Variants in PCDHGA4 observed in about 807,000 individuals in gnomAD.
The protein encoded by PCDHGA4 is protocadherin gamma-A4.
Under a neutral mutation model 54.6 loss-of-function variants are expected in PCDHGA4, and 38 were observed. That is an observed-to-expected ratio of 0.70 (90% CI 0.54 to 0.91). The LOEUF is 0.91. PCDHGA4 is among the 40% of genes least tolerant of loss of function. PCDHGA4 has a pLI of 0.00. For missense variants in PCDHGA4, 1,298 were observed against 1,220.9 expected (o/e 1.06, Z -0.94); for synonymous variants, 511 against 512.9 (o/e 1.00, Z 0.05).
rs1399367534 is a variant in PCDHGA4 at position 141,487,098 on chromosome 5, A to G, written c.2515-7709A>G. 6.2e-7 allele frequency: 1 copy of G among 1,613,778 alleles called. No homozygotes were observed. The highest frequency in any genetic ancestry group is 8.5e-7 in the Non-Finnish European group (1 of 1,179,788). On this transcript the variant is annotated intron_variant, in intron 1 of 3. Transcript: ENST00000571252. The surrounding 1 kb of genome is among the most constrained non-coding windows in gnomAD (Gnocchi z 5.0). ...ATCCCAGCTGACCTCCCACCACAGA[A>G]GCTGGTCATTGTGGTAAAGGATAGT...
intron 1 of PCDHGA4, chr5:141,374,228 G>T (rs776875063): frequency 6.2e-7 from 1 of 1,613,990 alleles, no homozygotes; most frequent in Non-Finnish European, 8.5e-7. Flanking sequence ...AGGCAACATC[G>T]TCAAGGATCT....
chr5:141,460,981 GTGTATATATA>G (rs1332002052), intron 1 of PCDHGA4, among the ~76,000 whole-genome samples: 6 of 121,884 alleles, frequency 4.9e-5, no homozygotes, highest in Non-Finnish European at 1.0e-4. Flanking sequence ...GTGTGTGTGT[GTGTATATATA>G]TATATGTGTA....
chr5:141,451,233 T>A (rs1431967203), intron 1 of PCDHGA4, among the ~76,000 whole-genome samples: 1 of 152,216 alleles, frequency 6.6e-6, no homozygotes, highest in African/African-American at 2.4e-5. Flanking sequence ...GCATTTATTA[T>A]CTCATAAATT....
chr5:141,375,570 T>C, intron 1 of PCDHGA4: 2 of 1,614,014 alleles, frequency 1.2e-6, no homozygotes, highest in Non-Finnish European at 1.7e-6. Context: ...GAAGACACCC[T>C]CCAGGGGGCG....
chr5:141,357,606 A>C lies in PCDHGA4; in HGVS notation c.2499A>C (p.Gly833=). Residue 833 remains glycine (G), a synonymous_variant, in exon 1 of 4, where the codon GGA becomes GGC. Coordinates refer to ENST00000571252, the MANE Select transcript of PCDHGA4 (RefSeq NM_018917.4). ...LITQDLLETK[G]DPNLQQAPPN... is the part of the protein sequence containing the mutation. ...CTCAGGATTTACTTGAAACAAAAGG[A>C]GACCCTAATCTTCAGGTGAGTCAAT... 1.2e-6 allele frequency: 2 copies of C among 1,614,052 alleles called. No individual in the cohort carries two copies. The highest frequency in any genetic ancestry group is 1.7e-6 in the Non-Finnish European group (2 of 1,179,944).
At chr5:141,398,249 T>C (rs1462140853) in intron 1 of PCDHGA4, 2 of 1,470,902 alleles carry the variant, frequency 1.4e-6, no homozygotes, top group Non-Finnish European at 1.8e-6. Context: ...CCCGAGGAAA[T>C]GCCCAAGGGC....
At chr5:141,454,685 C>A (rs1305853379) in intron 1 of PCDHGA4, among the ~76,000 whole-genome samples, 1 of 151,844 alleles carries the variant, frequency 6.6e-6, no homozygotes, top group Non-Finnish European at 1.5e-5. Context: ...GGATTACAGG[C>A]ATGAGCCACC....
At chr5:141,479,866 A>G (rs1020197891) in intron 1 of PCDHGA4, among the ~76,000 whole-genome samples, 2 of 152,204 alleles carry the variant, frequency 1.3e-5, no homozygotes, top group African/African-American at 2.4e-5. Context: ...TTTGCCCTGG[A>G]GAGAACCCTA....
chr5:141,457,498 G>A (rs193168963), intron 1 of PCDHGA4, among the ~76,000 whole-genome samples: 23 of 152,246 alleles, frequency 1.5e-4, no homozygotes, highest in African/African-American at 4.3e-4. Flanking sequence ...TAAAATGTAG[G>A]CAAAAAGCTT....
chr5:141,385,560 T>C (rs920911668), intron 1 of PCDHGA4: 33 of 1,307,128 alleles, frequency 2.5e-5, no homozygotes, highest in Non-Finnish European at 3.0e-5. Context: ...ATTTTATAAT[T>C]TCCACCTACT....
In PCDHGA4 at chr5:141,453,631, T is replaced by C. The variant is rs114710858; in HGVS notation, c.2515-41176T>C. On this transcript the variant is annotated intron_variant, in intron 1 of 3. Transcript: ENST00000571252. ...AACGCAAAAACAAAACCTATACATATTTATATTTTCTTATGTCCTCTTCTT... is the reference window on the plus strand; with the variant it reads ...AACGCAAAAACAAAACCTATACATACTTATATTTTCTTATGTCCTCTTCTT... Among the ~76,000 whole-genome samples the C allele has an allele frequency of 8.2e-3, 1,249 of 152,332 alleles. 7 individuals are homozygous for C. Among genetic ancestry groups the C allele is most frequent in the Non-Finnish European group, 0.013 (893 of 68,030 alleles).
At chr5:141,366,586 C>T in intron 1 of PCDHGA4, 1 of 1,614,262 alleles carries the variant, frequency 6.2e-7, no homozygotes, top group Non-Finnish European at 8.5e-7. Flanking sequence ...TCCTGCAGAC[C>T]TATTCCCACG....
At chr5:141,470,242 T>C (rs1301513342) in intron 1 of PCDHGA4, among the ~76,000 whole-genome samples, 1 of 152,344 alleles carries the variant, frequency 6.6e-6, no homozygotes, top group South Asian at 2.1e-4. Flanking sequence ...CCCTTGAATG[T>C]CCCACCTGTC....
Position 141,487,687 on chromosome 5 carries a change from A to G in PCDHGA4, c.2515-7120A>G, listed in dbSNP as rs750431854. ...CAGGCATATGGCTAGGCCATGTCCTAGAGAGTACTGGCCTCTCAGTAAGTG... is the reference window on the plus strand; with the variant it reads ...CAGGCATATGGCTAGGCCATGTCCTGGAGAGTACTGGCCTCTCAGTAAGTG... On this transcript the variant is annotated intron_variant, in intron 1 of 3. Transcript: ENST00000571252. This position sits in a 1 kb window ranked among gnomAD's most constrained non-coding sequence, Gnocchi z 5.0. The G allele has an allele frequency of 1.9e-6, 3 of 1,606,256 alleles. No individual in the cohort carries two copies. The highest frequency in any genetic ancestry group is 3.4e-5 in the Admixed American group (2 of 58,832).
At chr5:141,439,739 G>A (rs867225156) in intron 1 of PCDHGA4, 4 of 152,312 alleles carry the variant, frequency 2.6e-5, no homozygotes, top group Non-Finnish European at 5.9e-5. Flanking sequence ...GGAACGGAAC[G>A]GATTTACAGG....
chr5:141,469,830 A>G (rs184478661), intron 1 of PCDHGA4, among the ~76,000 whole-genome samples: 1 of 152,124 alleles, frequency 6.6e-6, no homozygotes, highest in African/African-American at 2.4e-5. Flanking sequence ...GGTCACATAA[A>G]ACTTATTCTT....
chr5:141,399,133 G>T (rs1054849184), intron 1 of PCDHGA4: 2 of 1,613,832 alleles, frequency 1.2e-6, no homozygotes, highest in African/African-American at 1.3e-5. Flanking sequence ...TATTCAAGAT[G>T]AAAATGACAA....
intron 1 of PCDHGA4, among the ~76,000 whole-genome samples, chr5:141,458,081 G>GTTT (rs1259527184): frequency 6.6e-6 from 1 of 152,186 alleles, no homozygotes; most frequent in Non-Finnish European, 1.5e-5. Flanking sequence ...CTATATTGCC[G>GTTT]TAAGTTAAGA....
chr5:141,363,237 C>T (rs1762851401), intron 1 of PCDHGA4, among the ~76,000 whole-genome samples: 1 of 152,240 alleles, frequency 6.6e-6, no homozygotes, highest in African/African-American at 2.4e-5. Flanking sequence ...ATGTTCACAT[C>T]ATTTTCTACA....
Sources: gnomAD v4.1 joint callset for allele counts (sites outside exome capture counted in the v4.1 genomes callset) on GRCh38, gnomAD v4.1.1 for gene constraint, Gnocchi (gnomAD v3.1) non-coding constraint, MANE v1.5 for transcripts, NCBI Gene and HGNC (gene_info 2026-07-23, HGNC 2026-07-21) for gene names.